Variants in GCNT1 observed in about 807,000 individuals in gnomAD.
GCNT1 encodes beta-1,3-galactosyl-O-glycosyl-glycoprotein beta-1,6-N-acetylglucosaminyltransferase.
Under a neutral mutation model 26.2 loss-of-function variants are expected in GCNT1, and 16 were observed. That is an observed-to-expected ratio of 0.61 (90% CI 0.41 to 0.93). The LOEUF is 0.93. Ranked by LOEUF, GCNT1 falls within the 40% of genes least tolerant of loss-of-function variation. The pLI is 0.00. For synonymous variants in GCNT1, 183 were observed against 190.8 expected (o/e 0.96, Z 0.34); for missense variants, 477 against 526.7 (o/e 0.91, Z 0.92).
At chr9:76,484,481 G>A (rs639335) in intron 2 of GCNT1, among the ~76,000 whole-genome samples, 3 of 151,988 alleles carry the variant, frequency 2.0e-5, no homozygotes, top group African/African-American at 7.2e-5. Flanking sequence ...AATCTTTTCA[G>A]AAAAATTGGA....
upstream of GCNT1, among the ~76,000 whole-genome samples, chr9:76,458,175 ATT>A (rs779648273): frequency 0.034 from 2,553 of 75,914 alleles, 10 homozygotes; most frequent in Non-Finnish European, 0.048. Context: ...TCTGAGTTGG[ATT>A]TTTTTTTTTT....
chr9:76,493,665 C>T (rs1824814973), intron 2 of GCNT1, among the ~76,000 whole-genome samples: 1 of 151,934 alleles, frequency 6.6e-6, no homozygotes, highest in Non-Finnish European at 1.5e-5. Flanking sequence ...AGAGGAGGCT[C>T]ATCATTAATA....
At chr9:76,435,362 T>A (rs933931566) in intron 1 of GCNT1, among the ~76,000 whole-genome samples, 8 of 152,196 alleles carry the variant, frequency 5.3e-5, no homozygotes, top group Non-Finnish European at 8.8e-5. Context: ...AGAAAGAGCC[T>A]ACGTTGAAAT....
At chr9:76,451,355 GT>G (rs1417143082) in intron 1 of GCNT1, among the ~76,000 whole-genome samples, 1 of 152,048 alleles carries the variant, frequency 6.6e-6, no homozygotes, top group East Asian at 1.9e-4. Flanking sequence ...GATCAACACT[GT>G]TGACCTCCCT....
intron 2 of GCNT1, among the ~76,000 whole-genome samples, chr9:76,461,509 G>A (rs150816735): frequency 0.024 from 3,569 of 151,806 alleles, 135 homozygotes; most frequent in African/African-American, 0.081. Flanking sequence ...CTTGAACCCG[G>A]GAGGCGGAGG....
chr9:76,474,800 A>G (rs1824218082), intron 2 of GCNT1, among the ~76,000 whole-genome samples: 1 of 152,268 alleles, frequency 6.6e-6, no homozygotes, highest in African/African-American at 2.4e-5. Context: ...ACTGAAGTGA[A>G]CATAAAAAAT....
At chr9:76,484,495 A>G (rs1034858568) in intron 2 of GCNT1, among the ~76,000 whole-genome samples, 13 of 152,328 alleles carry the variant, frequency 8.5e-5, no homozygotes, top group Admixed American at 7.8e-4. Context: ...AATTGGAAGA[A>G]TAACAGTGTT....
At chr9:76,484,603 G>A (rs1824515517) in intron 2 of GCNT1, among the ~76,000 whole-genome samples, 1 of 152,030 alleles carries the variant, frequency 6.6e-6, no homozygotes, top group African/African-American at 2.4e-5. Context: ...AACACATCAT[G>A]TAGACCCTGG....
upstream of GCNT1, among the ~76,000 whole-genome samples, chr9:76,418,904 A>T (rs1168267487): frequency 3.3e-5 from 5 of 152,114 alleles, no homozygotes; most frequent in African/African-American, 7.2e-5. Context: ...CGGAGAGGGG[A>T]TGGAAGGCAA....
upstream of GCNT1, among the ~76,000 whole-genome samples, chr9:76,436,694 T>C (rs891286625): frequency 2.2e-4 from 33 of 151,148 alleles, no homozygotes; most frequent in African/African-American, 6.8e-4. Context: ...ATTGAATGCC[T>C]ACTATTTTCC....
chr9:76,479,955 C>A (rs1450631337), intron 2 of GCNT1, among the ~76,000 whole-genome samples: 2 of 152,152 alleles, frequency 1.3e-5, no homozygotes, highest in Non-Finnish European at 2.9e-5. Context: ...ATGGTATTGC[C>A]TAGGTTTTCT....
chr9:76,430,547 AATT>A (rs1823323219), intron 1 of GCNT1, among the ~76,000 whole-genome samples: 1 of 150,694 alleles, frequency 6.6e-6, no homozygotes, highest in South Asian at 2.1e-4. Context: ...ATGTTCGACT[AATT>A]TTTTTTTTTT....
chr9:76,425,384 G>A (rs996407335), intron 1 of GCNT1, among the ~76,000 whole-genome samples: 10 of 151,728 alleles, frequency 6.6e-5, no homozygotes, highest in South Asian at 2.1e-4. Context: ...CAACACGCCC[G>A]TCTAATTTTT....
upstream of GCNT1, among the ~76,000 whole-genome samples, chr9:76,441,064 C>CAAA (rs758094129): frequency 7.7e-6 from 1 of 129,456 alleles, no homozygotes; most frequent in Non-Finnish European, 1.7e-5. Context: ...GACTCCATCT[C>CAAA]AAAAAAAAAC....
rs1247962666 is a variant in GCNT1, at chr9:76,502,562, A to G, written c.181A>G (p.Lys61Glu). ...TCCTAGTAGTGATATTAATTGCACC[A>G]AAGTTTTACAGGGTGATGTAAATGA... Reference protein sequence around the residue: ...ENPSSDINCTKVLQGDVNEIQ... With the variant: ...ENPSSDINCTEVLQGDVNEIQ... The change falls in exon 4 of 4, where the codon AAA (lysine) becomes GAA (glutamate). Residue 61 changes from lysine (K) to glutamate (E), a missense_variant. Physicochemically the swap from Lys to Glu is moderately conservative, Grantham distance 56. Transcript: ENST00000376730. The G allele has an allele frequency of 1.9e-6, 3 of 1,613,974 alleles. No individual in the cohort carries two copies. Among genetic ancestry groups the G allele is most frequent in the Non-Finnish European group, 2.5e-6 (3 of 1,179,958 alleles).
the GCNT1 span, chr9:76,399,296 G>A: frequency 3.5e-6 from 5 of 1,420,682 alleles, no homozygotes; most frequent in South Asian, 5.7e-5. Context: ...GGTCATGCCT[G>A]ATCTCTACTT....
intron 2 of GCNT1, among the ~76,000 whole-genome samples, chr9:76,473,962 G>A (rs1350489499): frequency 6.6e-6 from 1 of 152,122 alleles, no homozygotes. Context: ...AGCCAGGCAT[G>A]GTGGCATGTG....
the GCNT1 span, among the ~76,000 whole-genome samples, chr9:76,413,634 G>GT: frequency 9.4e-4 from 123 of 130,672 alleles, no homozygotes; most frequent in East Asian, 7.7e-3. Context: ...TATGCCTAGG[G>GT]TTTTTTTTGT....
chr9:76,474,939 T>C (rs1389712242), intron 2 of GCNT1, among the ~76,000 whole-genome samples: 1 of 152,204 alleles, frequency 6.6e-6, no homozygotes, highest in East Asian at 1.9e-4. Flanking sequence ...TGGAGGCTGG[T>C]TTTTTTGTTT....
Sources: gnomAD v4.1 joint callset for allele counts (sites outside exome capture counted in the v4.1 genomes callset) on GRCh38, gnomAD v4.1.1 for gene constraint, MANE v1.5 for transcripts, NCBI Gene and HGNC (gene_info 2026-07-23, HGNC 2026-07-21) for gene names.